Variants in PDE8A observed in about 807,000 individuals in gnomAD.
PDE8A encodes the protein phosphodiesterase 8A, also known as high affinity cAMP-specific and IBMX-insensitive 3',5'-cyclic phosphodiesterase 8A.
In PDE8A, 59 loss-of-function variants were observed where a neutral mutation model predicts 105.0. The observed-to-expected ratio is 0.56, with a 90% CI of 0.46 to 0.70. The LOEUF (loss-of-function observed/expected upper bound fraction) is 0.70, where lower values mean the gene tolerates loss of function less well. Among genes scored for constraint, PDE8A ranks in the 30% least tolerant of loss-of-function variants. The pLI is 0.00. For missense variants in PDE8A, 1,014 were observed against 1,045.9 expected, an observed-to-expected ratio of 0.97 and a Z score of 0.42; for synonymous variants, 355 against 371.9, an observed-to-expected ratio of 0.95 and a Z score of 0.52.
chr15:84,986,224 C>T (rs1310130525), intron 1 of PDE8A, among the ~76,000 whole-genome samples: 1 of 152,110 alleles, frequency 6.6e-6, no homozygotes, highest in East Asian at 1.9e-4. Flanking sequence ...GAAACCCTAT[C>T]TCAAAAATAA....
At chr15:85,030,305 G>T (rs766340215) in intron 1 of PDE8A, among the ~76,000 whole-genome samples, 1 of 151,770 alleles carries the variant, frequency 6.6e-6, no homozygotes, top group African/African-American at 2.4e-5. Flanking sequence ...TCTTGCCCCC[G>T]TAGCCTCCAT....
intron 1 of PDE8A, chr15:85,063,979 G>C (rs908849417): frequency 6.2e-6 from 1 of 161,420 alleles, no homozygotes; most frequent in African/African-American, 2.4e-5. Context: ...GAAAAAAATG[G>C]AAATAGGCAC....
intron 1 of PDE8A, among the ~76,000 whole-genome samples, chr15:85,054,449 G>C (rs544252758): frequency 6.6e-6 from 1 of 152,040 alleles, no homozygotes; most frequent in African/African-American, 2.4e-5. Flanking sequence ...CATCAGGTAC[G>C]GGACTTTTTT....
Position 85,117,798 on chromosome 15 carries a change from C to A in PDE8A, c.1693C>A (p.Leu565Ile). 4 of 1,613,978 alleles carry A rather than the reference C, an allele frequency of 2.5e-6. No homozygotes were observed. Among genetic ancestry groups the A allele is most frequent in the Non-Finnish European group, 3.4e-6 (4 of 1,179,850 alleles). The change falls in exon 17 of 22, where the codon CTT (leucine) becomes ATT (isoleucine). Residue 565 changes from leucine (L) to isoleucine (I), a missense_variant. Leu to Ile is a conservative substitution (Grantham distance 5, BLOSUM62 2). Transcript: ENST00000394553. Reference protein sequence around the residue: ...YHNSTHSADVLHATAYFLSKE... With the variant: ...YHNSTHSADVIHATAYFLSKE... Reference sequence around the variant, plus strand: ...CAATTCTACACATTCTGCTGATGTGCTTCATGCCACTGCCTATTTTCTCTC... The same window carrying A: ...CAATTCTACACATTCTGCTGATGTGATTCATGCCACTGCCTATTTTCTCTC...
intron 1 of PDE8A, among the ~76,000 whole-genome samples, chr15:85,048,053 A>C (rs566318791): frequency 6.6e-6 from 1 of 152,226 alleles, no homozygotes; most frequent in Non-Finnish European, 1.5e-5. Flanking sequence ...ATAATTTAGC[A>C]GTAGTATCCT....
chr15:85,096,811 G>A (rs16974842), intron 8 of PDE8A, among the ~76,000 whole-genome samples: 3,816 of 151,984 alleles, frequency 0.025, 86 homozygotes, highest in African/African-American at 0.058. Context: ...GCCCTTTTTT[G>A]GTGCCCATTG....
At chr15:85,115,925 A>C in intron 15 of PDE8A, 59 bp from the exon 16 acceptor site, 1 of 1,526,922 alleles carries the variant, frequency 6.5e-7, no homozygotes, top group East Asian at 2.3e-5. Flanking sequence ...GTCTCAAAAA[A>C]AAAAAAAAAA....
chr15:85,113,391 C>G lies in PDE8A; in HGVS notation c.1129C>G (p.Arg377Gly). 6.2e-7 allele frequency: 1 copy of G among 1,613,990 alleles called. No homozygotes were observed. Among genetic ancestry groups the G allele is most frequent in the South Asian group, 1.1e-5 (1 of 91,080 alleles). The change falls in exon 13 of 22, where the codon CGA becomes GGA. Residue 377 changes from arginine (R) to glycine (G), a missense_variant. By Grantham distance (125) the Arg-to-Gly change is moderately radical (BLOSUM62 -2). Transcript: ENST00000394553. ...SRATEVSSQR[R>G]HSSMARIHSM... ...TTTCTCCACAGTTTCCAGCCAGAGA[C>G]GACACTCTTCCATGGCCCGGATACA...
intron 5 of PDE8A, among the ~76,000 whole-genome samples, chr15:85,081,976 C>CA (rs2081474311): frequency 1.3e-5 from 2 of 152,148 alleles, no homozygotes; most frequent in Non-Finnish European, 2.9e-5. Flanking sequence ...ACAGCCCTCA[C>CA]ATCCCAGAAT....
chr15:85,067,574 A>G (rs1433288481), intron 3 of PDE8A, among the ~76,000 whole-genome samples: 1 of 152,316 alleles, frequency 6.6e-6, no homozygotes, highest in Non-Finnish European at 1.5e-5. Flanking sequence ...AATGGGCTTT[A>G]TTTATTATAC....
At chr15:85,011,047 C>T (rs1037128014) in intron 1 of PDE8A, among the ~76,000 whole-genome samples, 1 of 152,056 alleles carries the variant, frequency 6.6e-6, no homozygotes, top group Non-Finnish European at 1.5e-5. Context: ...GTATTGAAAT[C>T]TTGGCTGTCC....
rs570423347 is a variant in PDE8A, at chr15:85,129,019, T to C, written c.2253+2645T>C. On this transcript the variant is annotated intron_variant, in intron 20 of 21. Transcript: ENST00000394553. ...ATGGTAAAATTTACCATTTTAGATCTGGGTTTTCTTCCCTTCATTCTCTTC... is the reference window on the plus strand; with the variant it reads ...ATGGTAAAATTTACCATTTTAGATCCGGGTTTTCTTCCCTTCATTCTCTTC... 1.2e-4 allele frequency among the ~76,000 whole-genome samples: 19 copies of C among 152,348 alleles called. No individual in the cohort carries two copies. The South Asian group carries it at 3.5e-3, about 28-fold the overall frequency.
intron 3 of PDE8A, among the ~76,000 whole-genome samples, chr15:85,071,842 G>A (rs1334714488): frequency 6.6e-6 from 1 of 152,240 alleles, no homozygotes; most frequent in African/African-American, 2.4e-5. Context: ...CACATAATGA[G>A]GGGGGAAAGA....
intron 14 of PDE8A, among the ~76,000 whole-genome samples, chr15:85,114,376 G>T (rs1029868473): frequency 6.6e-6 from 1 of 152,236 alleles, no homozygotes; most frequent in African/African-American, 2.4e-5. Context: ...AACTGGGACA[G>T]TGTAGAACAG....
intron 1 of PDE8A, among the ~76,000 whole-genome samples, chr15:85,033,996 C>T (rs535438171): frequency 6.6e-6 from 1 of 152,350 alleles, no homozygotes; most frequent in African/African-American, 2.4e-5. Context: ...TTTGAAAAGA[C>T]ACACTGTGTT....
chr15:84,985,031 T>A (rs892648426), intron 1 of PDE8A, among the ~76,000 whole-genome samples: 1 of 152,210 alleles, frequency 6.6e-6, no homozygotes, highest in Non-Finnish European at 1.5e-5. Flanking sequence ...GTAGGGCTTG[T>A]CAGAGAACCT....
chr15:85,137,311 T>C lies in PDE8A; in HGVS notation c.2384-486T>C, dbSNP rs527403739. The stretch of plus-strand genomic sequence containing the variant: ...TGCAGCTTTGGGGGACACTGCATAC[T>C]CTGCAGCTCACTGCTTCTGGGACTG... On this transcript the variant is annotated intron_variant, in intron 21 of 21. Coordinates refer to ENST00000394553, the MANE Select transcript of PDE8A (RefSeq NM_002605.3). Among the ~76,000 whole-genome samples the C allele has an allele frequency of 1.5e-4, 23 of 152,290 alleles. No individual in the cohort carries two copies. The South Asian group carries it at 4.1e-3, about 27-fold the overall frequency.
chr15:85,085,728 C>T (rs917044292), intron 6 of PDE8A, among the ~76,000 whole-genome samples: 1 of 149,262 alleles, frequency 6.7e-6, no homozygotes, highest in Non-Finnish European at 1.5e-5. Context: ...AGATGATCGG[C>T]TGGGCAGGGT....
intron 1 of PDE8A, among the ~76,000 whole-genome samples, chr15:85,007,421 A>G (rs2080166042): frequency 6.7e-6 from 1 of 150,338 alleles, no homozygotes; most frequent in African/African-American, 2.4e-5. Context: ...GGCTTCTAGT[A>G]TGCCGGTAAT....
Sources: gnomAD v4.1 joint callset for allele counts (sites outside exome capture counted in the v4.1 genomes callset) on GRCh38, gnomAD v4.1.1 for gene constraint, MANE v1.5 for transcripts, NCBI Gene and HGNC (gene_info 2026-07-23, HGNC 2026-07-21) for gene names.